Variants in HIPK2 observed in about 807,000 individuals in gnomAD.
HIPK2 encodes homeodomain interacting protein kinase 2, also known as homeodomain-interacting protein kinase 2.
Under a neutral mutation model 113.7 loss-of-function variants are expected in HIPK2, and 27 were observed. The ratio of observed to expected loss-of-function variants is 0.24; its 90% CI spans 0.17 to 0.33. The LOEUF (loss-of-function observed/expected upper bound fraction) is 0.33, where lower values mean the gene tolerates loss of function less well. Ranked by LOEUF, HIPK2 falls within the 10% of genes least tolerant of loss-of-function variation. HIPK2 has a pLI of 1.00. For missense variants in HIPK2, 1,257 were observed against 1,588.0 expected (o/e 0.79, Z 3.54); for synonymous variants, 631 against 642.2 (o/e 0.98, Z 0.26).
At chr7:139,681,189 C>G (rs1217463058) in intron 2 of HIPK2, among the ~76,000 whole-genome samples, 1 of 152,232 alleles carries the variant, frequency 6.6e-6, no homozygotes, top group African/African-American at 2.4e-5. Flanking sequence ...TGCCACAGCA[C>G]TTAATCACTT....
chr7:139,741,986 G>A (rs1182556527), intron 1 of HIPK2, among the ~76,000 whole-genome samples: 2 of 152,172 alleles, frequency 1.3e-5, no homozygotes, highest in East Asian at 1.9e-4. Context: ...GAGATCCAGA[G>A]AGACTGGCAG....
At chr7:139,623,388 C>T (rs6953737) in intron 6 of HIPK2, among the ~76,000 whole-genome samples, 35,148 of 151,624 alleles carry the variant, frequency 0.23, 6,170 homozygotes, top group African/African-American at 0.5. Context: ...CGTGTGCCTG[C>T]AGTTCCAGCT....
chr7:139,663,352 C>T (rs1434819734), intron 2 of HIPK2, among the ~76,000 whole-genome samples: 1 of 152,192 alleles, frequency 6.6e-6, no homozygotes, highest in Non-Finnish European at 1.5e-5. Flanking sequence ...GGGTTTACAG[C>T]TCAGGGGCAG....
At chr7:139,732,819 ATGTG>A (rs71170913) in intron 1 of HIPK2, among the ~76,000 whole-genome samples, 122 of 145,000 alleles carry the variant, frequency 8.4e-4, no homozygotes, top group Middle Eastern at 3.6e-3. Context: ...TTATATATAT[ATGTG>A]TGTGTGTGTG....
intron 1 of HIPK2, among the ~76,000 whole-genome samples, chr7:139,733,155 G>A (rs1430810779): frequency 2.0e-5 from 3 of 152,114 alleles, no homozygotes; most frequent in Non-Finnish European, 4.4e-5. Flanking sequence ...GGCCTCCCCA[G>A]AAACTGAGCA....
chr7:139,753,224 G>A (rs921793101), intron 1 of HIPK2, among the ~76,000 whole-genome samples: 3 of 152,216 alleles, frequency 2.0e-5, no homozygotes, highest in Non-Finnish European at 2.9e-5. Context: ...AGAACAGAGG[G>A]CAGCTGCATT....
chr7:139,591,814 T>C lies in HIPK2; in HGVS notation c.2717+4903A>G, dbSNP rs141063415. 2.6e-3 allele frequency among the ~76,000 whole-genome samples: 391 copies of C among 152,352 alleles called. 2 individuals carry two copies. Among genetic ancestry groups the C allele is most frequent in the African/African-American group, 9.1e-3 (377 of 41,590 alleles). ...AATGGCACTGTGTGTCTGGGTTCCT[T>C]TGTTCCTTCACTCAAGCCTGATTCC... is the stretch of plus-strand genomic sequence containing the variant. On this transcript the variant is annotated intron_variant, in intron 12 of 14. Coordinates refer to ENST00000406875, the MANE Select transcript of HIPK2 (RefSeq NM_022740.5).
In HIPK2 at chr7:139,639,949, G is replaced by C. The variant is rs1473145019; in HGVS notation, c.1104-8224C>G. On this transcript the variant is annotated intron_variant, in intron 2 of 14. Coordinates refer to ENST00000406875, the MANE Select transcript of HIPK2 (RefSeq NM_022740.5). ...GGTTGCTTCCACAGGGGCTGTTCCT[G>C]TTCTCGGTTCGGTTTCAGGCAGGTA... Among the ~76,000 whole-genome samples the C allele has an allele frequency of 3.3e-5, 5 of 152,070 alleles. No homozygotes were observed. The East Asian group carries it at 9.6e-4, about 29-fold the overall frequency.
rs537088030 is a variant in HIPK2 at position 139,621,946 on chromosome 7, TAAAAG to T, written c.1620-1388_1620-1384del. 8.5e-3 allele frequency among the ~76,000 whole-genome samples: 1,217 copies of T among 142,926 alleles called. 13 individuals are homozygous for T. The highest frequency in any genetic ancestry group is 0.03 in the African/African-American group (1,155 of 38,374). 93.8% of individuals were successfully genotyped at this position (142,926 alleles called of 152,430 possible). ...TCAGGAAAAAAAAAAAAAAAAAAAT[TAAAAG>T]AAAAAGAAAAAAAACTCATTTAATT... On this transcript the variant is annotated intron_variant, in intron 6 of 14. Transcript: ENST00000406875.
chr7:139,589,492 A>G (rs900245164), intron 12 of HIPK2, among the ~76,000 whole-genome samples: 1 of 152,214 alleles, frequency 6.6e-6, no homozygotes, highest in Non-Finnish European at 1.5e-5. Flanking sequence ...CAAATTGGGC[A>G]TATTTGGAGC....
chr7:139,614,408 G>A lies in HIPK2; in HGVS notation c.1868C>T (p.Ser623Leu). The change falls in exon 8 of 15, where the codon TCA becomes TTA. Residue 623 changes from serine to leucine, a missense_variant. By Grantham distance (145) the Ser-to-Leu change is moderately radical. Coordinates refer to ENST00000406875, the MANE Select transcript of HIPK2 (RefSeq NM_022740.5). ...GGCCACTGCAGCCATGGATGCCGCT[G>A]AGGGCTGGTAGAGTGTAGATGGGTA... ...LNYPSTLYQP[S>L]AASMAAVAQR... 6.4e-7 allele frequency: 1 copy of A among 1,573,922 alleles called. No homozygotes were observed. The highest frequency in any genetic ancestry group is 8.7e-7 in the Non-Finnish European group (1 of 1,155,510).
chr7:139,592,065 T>C (rs868528145), intron 12 of HIPK2, among the ~76,000 whole-genome samples: 1 of 152,394 alleles, frequency 6.6e-6, no homozygotes, highest in Middle Eastern at 3.4e-3. Flanking sequence ...TTTTCTAACC[T>C]TGCTTTATCT....
At chr7:139,622,033 T>A (rs1233134025) in intron 6 of HIPK2, among the ~76,000 whole-genome samples, 3 of 151,712 alleles carry the variant, frequency 2.0e-5, no homozygotes, top group Non-Finnish European at 4.4e-5. Context: ...ATGAGTAAAA[T>A]AAAAGTTTTC....
intron 5 of HIPK2, 159 bp downstream of exon 5, chr7:139,628,794 G>T (rs931477618): frequency 5.2e-6 from 1 of 193,424 alleles, no homozygotes; most frequent in African/African-American, 2.4e-5. Context: ...ACACCAAATG[G>T]TATTCTTACT....
At chr7:139,646,203 C>T (rs1306414200) in intron 2 of HIPK2, among the ~76,000 whole-genome samples, 2 of 152,170 alleles carry the variant, frequency 1.3e-5, no homozygotes, top group South Asian at 2.1e-4. Context: ...AGGGAACAAA[C>T]GGTTCCCTTA....
rs2116781461 is a variant in HIPK2 at position 139,613,147 on chromosome 7, A to G, written c.2112+55T>C. ...GAGTGGAGATATATATCTTTTGTGAACAACATTAACACAGGTAATGGTAAT... is the reference window on the plus strand; with the variant it reads ...GAGTGGAGATATATATCTTTTGTGAGCAACATTAACACAGGTAATGGTAAT... On this transcript the variant is annotated intron_variant, in intron 9 of 14. Coordinates refer to ENST00000406875, the MANE Select transcript of HIPK2 (RefSeq NM_022740.5). The surrounding 1 kb of genome is among the most constrained non-coding windows in gnomAD (Gnocchi z 4.2). 1.2e-6 allele frequency: 2 copies of G among 1,601,970 alleles called. No individual in the cohort carries two copies. The highest frequency in any genetic ancestry group is 1.3e-5 in the African/African-American group (1 of 74,746).
At chr7:139,726,254 TGCTCAGCCAATGGGAAA>T (rs1270151512) in intron 1 of HIPK2, among the ~76,000 whole-genome samples, 1 of 152,168 alleles carries the variant, frequency 6.6e-6, no homozygotes, top group Non-Finnish European at 1.5e-5. Flanking sequence ...CTTGGGCAAG[TGCTCAGCCAATGGGAAA>T]GCTGGTCCAG....
chr7:139,596,886 C>A lies in HIPK2; in HGVS notation c.2548G>T (p.Ala850Ser), dbSNP rs1181666461. The change falls in exon 12 of 15, where the codon GCC (alanine) becomes TCC (serine). Residue 850 changes from alanine (A) to serine (S), a missense_variant. Around this residue, in one of 5 missense-constraint regions of HIPK2, gnomAD observed 862 missense variants for 1,004.3 expected, o/e 0.86. Coordinates refer to ENST00000406875, the MANE Select transcript of HIPK2 (RefSeq NM_022740.5). ...PRCAMVHSSP[A>S]CSTSVTCGWG... Reference sequence around the variant, plus strand: ...CCACAGGTGACCGAGGTGCTGCAGGCCGGGCTACTGTGCACCATGGCACAG... The same window carrying A: ...CCACAGGTGACCGAGGTGCTGCAGGACGGGCTACTGTGCACCATGGCACAG... 1.9e-6 allele frequency: 3 copies of A among 1,613,802 alleles called. No individual in the cohort carries two copies. The highest frequency in any genetic ancestry group is 3.3e-5 in the Admixed American group (2 of 60,008).
At chr7:139,771,179 C>A (rs951818585) in intron 1 of HIPK2, among the ~76,000 whole-genome samples, 1 of 152,082 alleles carries the variant, frequency 6.6e-6, no homozygotes, top group African/African-American at 2.4e-5. Context: ...GAATCTATAA[C>A]GAATTTGACA....
Sources: allele counts gnomAD v4.1 joint callset (sites outside exome capture counted in the v4.1 genomes callset), GRCh38; gene constraint gnomAD v4.1.1; regional missense constraint gnomAD v4.1.1; non-coding constraint Gnocchi (gnomAD v3.1); transcripts MANE v1.5; gene names NCBI Gene and HGNC (gene_info 2026-07-23, HGNC 2026-07-21).